ST3GAL1: variants seen among roughly 807,000 people sequenced by gnomAD.
ST3GAL1 encodes CMP-N-acetylneuraminate-beta-galactosamide-alpha-2,3-sialyltransferase 1.
In ST3GAL1, 16 loss-of-function variants were observed where a neutral mutation model predicts 34.1. The ratio of observed to expected loss-of-function variants is 0.47; its 90% CI spans 0.32 to 0.71. The LOEUF (loss-of-function observed/expected upper bound fraction) is 0.71, where lower values mean the gene tolerates loss of function less well. ST3GAL1 is among the 30% of genes least tolerant of loss of function. The probability of loss-of-function intolerance (pLI) is 0.04; values close to 1 mark genes in which losing one functional copy is unlikely to be tolerated. For synonymous variants in ST3GAL1, 191 were observed against 184.7 expected (o/e 1.03, Z -0.28); for missense variants, 353 against 447.4 (o/e 0.79, Z 1.90).
At position 133,475,956 on chromosome 8, in the gene ST3GAL1, G is replaced by A. The variant is rs1394979755; in HGVS notation, c.69C>T (p.Ser23=). Reference sequence around the variant, plus strand: ...TGGTGTGGGAGTAGTTCAGGAAGAAGGAGGTGAGGAAGATGAAGAGCACGA... The same window carrying A: ...TGGTGTGGGAGTAGTTCAGGAAGAAAGAGGTGAGGAAGATGAAGAGCACGA... ...TFLVLFIFLT[S]FFLNYSHTMV... Residue 23 remains serine, a synonymous_variant, in exon 5 of 10, where the codon TCC becomes TCT. Coordinates refer to ENST00000522652, the MANE Select transcript of ST3GAL1 (RefSeq NM_173344.3). The A allele has an allele frequency of 3.1e-6, 5 of 1,613,968 alleles. No individual in the cohort carries two copies. The highest frequency in any genetic ancestry group is 4.2e-6 in the Non-Finnish European group (5 of 1,179,978).
chr8:133,543,793 A>ACATCAT (rs76541813), intron 2 of ST3GAL1, among the ~76,000 whole-genome samples: 18 of 151,190 alleles, frequency 1.2e-4, no homozygotes, highest in African/African-American at 4.1e-4. Context: ...ATCACTGTTA[A>ACATCAT]CATCATCATC....
chr8:133,502,992 A>G (rs1451949122), intron 2 of ST3GAL1, among the ~76,000 whole-genome samples: 1 of 152,142 alleles, frequency 6.6e-6, no homozygotes, highest in East Asian at 1.9e-4. Context: ...CTGAAATCTG[A>G]CTAAGTAGTT....
At chr8:133,518,183 G>A (rs1158496650) in intron 2 of ST3GAL1, among the ~76,000 whole-genome samples, 4 of 152,190 alleles carry the variant, frequency 2.6e-5, no homozygotes, top group East Asian at 3.9e-4. Flanking sequence ...GCCATCCCCT[G>A]GGGCAGTCAG....
rs567448475 is a variant in ST3GAL1 at position 133,491,289 on chromosome 8, C to T, written c.-374+7846G>A. 2.6e-5 allele frequency among the ~76,000 whole-genome samples: 4 copies of T among 151,982 alleles called. No homozygotes were observed. In the East Asian group the frequency reaches 7.8e-4, roughly 30 times the overall value. On this transcript the variant is annotated intron_variant, in intron 3 of 9. Transcript: ENST00000522652. The stretch of plus-strand genomic sequence containing the variant: ...TTGGAGTCCTAGGATAGCCAAATGA[C>T]ATTAGAAGCGTGTAACGTGGCTGGG...
chr8:133,564,616 C>T (rs1459082811), intron 1 of ST3GAL1, among the ~76,000 whole-genome samples: 3 of 151,234 alleles, frequency 2.0e-5, no homozygotes, highest in Non-Finnish European at 4.4e-5. Context: ...TTTTAACCTA[C>T]AAATATTCAA....
In ST3GAL1 at chr8:133,532,536, T is replaced by C. The variant is rs1053361949; in HGVS notation, c.-429+13238A>G. 2.6e-5 allele frequency among the ~76,000 whole-genome samples: 4 copies of C among 152,210 alleles called. No homozygotes were observed. In the South Asian group the frequency reaches 8.3e-4, roughly 31 times the overall value. On this transcript the variant is annotated intron_variant, in intron 2 of 9. Transcript: ENST00000522652. ...TTCAAATGAAGTACTAAATAAATAT[T>C]GAAATAATTCCTCAATTTTAATATA...
chr8:133,556,501 G>A lies in ST3GAL1; in HGVS notation c.-581-10575C>T, dbSNP rs1221576518. Among the ~76,000 whole-genome samples, 1 of 152,210 alleles carries A rather than the reference G, an allele frequency of 6.6e-6. No individual in the cohort carries two copies. Among genetic ancestry groups the A allele is most frequent in the East Asian group, 1.9e-4 (1 of 5,194 alleles). On this transcript the variant is annotated intron_variant, in intron 1 of 9. Coordinates refer to ENST00000522652, the MANE Select transcript of ST3GAL1 (RefSeq NM_173344.3). This position sits in a 1 kb window ranked among gnomAD's most constrained non-coding sequence, Gnocchi z 8.9. ...TATTGTTCTGTCCGCTCAGAGTCAC[G>A]TTCCTTTCTCAGATCTGGGAGGAAT... is the stretch of plus-strand genomic sequence containing the variant.
Position 133,541,082 on chromosome 8 carries a change from CATAT to C in ST3GAL1, c.-429+4688_-429+4691del, listed in dbSNP as rs1172519181. Among the ~76,000 whole-genome samples, 46 of 48,680 alleles carry C rather than the reference CATAT, an allele frequency of 9.4e-4. 1 individual carries two copies. The highest frequency in any genetic ancestry group is 1.8e-3 in the African/African-American group (21 of 11,958). The allele number at this position is 48,680 out of a possible 152,430, so 31.9% of individuals were successfully genotyped here. On this transcript the variant is annotated intron_variant, in intron 2 of 9. Transcript: ENST00000522652. ...ATATATATATAGACATATATATAGA[CATAT>C]ATATATAAACATATATATATATATA...
At chr8:133,534,678 C>T (rs1021136135) in intron 2 of ST3GAL1, among the ~76,000 whole-genome samples, 47 of 152,186 alleles carry the variant, frequency 3.1e-4, no homozygotes, top group African/African-American at 9.9e-4. Context: ...GGAGGCAAGT[C>T]GGAGGAGCTA....
chr8:133,461,900 A>T lies in ST3GAL1; in HGVS notation c.824T>A (p.Ile275Asn). ...CTCATCGCAGACATGCATTGAGAAGATGACCGAGAGGATGCCGGTAGATGG... is the reference window on the plus strand; with the variant it reads ...CTCATCGCAGACATGCATTGAGAAGTTGACCGAGAGGATGCCGGTAGATGG... ...RYPSTGILSV[I>N]FSMHVCDEVD... Residue 275 changes from isoleucine to asparagine, a missense_variant, in exon 9 of 10, where the codon ATC becomes AAC. By Grantham distance (149) the Ile-to-Asn change is moderately radical. Transcript: ENST00000522652. This position sits in a 1 kb window ranked among gnomAD's most constrained non-coding sequence, Gnocchi z 4.7. 1 of 1,614,154 alleles carries T rather than the reference A, an allele frequency of 6.2e-7. No homozygotes were observed. Among genetic ancestry groups the T allele is most frequent in the Non-Finnish European group, 8.5e-7 (1 of 1,180,020 alleles).
intron 3 of ST3GAL1, among the ~76,000 whole-genome samples, chr8:133,485,805 G>T (rs182819735): frequency 6.6e-6 from 1 of 152,208 alleles, no homozygotes; most frequent in East Asian, 1.9e-4. Flanking sequence ...GGGATAGAAG[G>T]TCGGGAGTTG....
At chr8:133,566,850 C>T (rs2272674) in intron 1 of ST3GAL1, 82,140 of 151,994 alleles carry the variant, frequency 0.54, 22,468 homozygotes, top group Admixed American at 0.65. Context: ...AACTTGCAGG[C>T]TGGCTGCAAG....
chr8:133,488,344 T>A (rs889723675), intron 3 of ST3GAL1: 1 of 152,252 alleles, frequency 6.6e-6, no homozygotes, highest in Non-Finnish European at 1.5e-5. Context: ...CAGATGTGGT[T>A]AAGCTCTCCA....
At chr8:133,501,914 CAGA>C (rs1176911429) in intron 2 of ST3GAL1, among the ~76,000 whole-genome samples, 1 of 152,114 alleles carries the variant, frequency 6.6e-6, no homozygotes, top group Non-Finnish European at 1.5e-5. Context: ...TCCTGGCTGG[CAGA>C]AGATGGTGGC....
At chr8:133,566,167 C>A (rs1003777023) in intron 1 of ST3GAL1, among the ~76,000 whole-genome samples, 1 of 152,306 alleles carries the variant, frequency 6.6e-6, no homozygotes, top group African/African-American at 2.4e-5. Flanking sequence ...TTCTGGCTAA[C>A]TAGTAATGCT....
At chr8:133,518,078 T>C (rs1817695791) in intron 2 of ST3GAL1, among the ~76,000 whole-genome samples, 1 of 152,240 alleles carries the variant, frequency 6.6e-6, no homozygotes. Context: ...CCTGGGGATA[T>C]ATGAAACTGA....
chr8:133,558,832 G>A (rs80148797), intron 1 of ST3GAL1, among the ~76,000 whole-genome samples: 4,572 of 152,200 alleles, frequency 0.03, 231 homozygotes, highest in African/African-American at 0.1. Flanking sequence ...CAATAATGCT[G>A]TTTCATTCAA....
chr8:133,487,355 T>G (rs1816647235), intron 3 of ST3GAL1, among the ~76,000 whole-genome samples: 1 of 3,972 alleles, frequency 2.5e-4, no homozygotes, highest in South Asian at 0.019. Context: ...ATATTTAACA[T>G]TAACATTAAC....
chr8:133,554,470 GTGAGAACTA>G (rs998208142), intron 1 of ST3GAL1, among the ~76,000 whole-genome samples: 6 of 152,190 alleles, frequency 3.9e-5, no homozygotes, highest in African/African-American at 1.4e-4. Flanking sequence ...AGGCTGGAGA[GTGAGAACTA>G]TGAATCAAAG....
Sources: allele counts gnomAD v4.1 joint callset (sites outside exome capture counted in the v4.1 genomes callset), GRCh38; gene constraint gnomAD v4.1.1; non-coding constraint Gnocchi (gnomAD v3.1); transcripts MANE v1.5; gene names NCBI Gene and HGNC (gene_info 2026-07-23, HGNC 2026-07-21).